DOCK8: variants seen among roughly 807,000 people sequenced by gnomAD.
DOCK8 encodes the protein dedicator of cytokinesis 8.
In DOCK8, 141 loss-of-function variants were observed where a neutral mutation model predicts 245.6. The ratio of observed to expected loss-of-function variants is 0.57; its 90% CI spans 0.50 to 0.66. The LOEUF is 0.66. DOCK8 is among the 30% of genes least tolerant of loss of function. The pLI, the probability that DOCK8 is intolerant of heterozygous loss-of-function variation, is 0.00. For missense variants in DOCK8, 2,965 were observed against 2,603.4 expected (o/e 1.14, Z -3.02); for synonymous variants, 1,168 against 970.2 (o/e 1.20, Z -3.79).
At chr9:396,960 C>A in intron 25 of DOCK8, 26 bp downstream of exon 25, 1 of 1,608,256 alleles carries the variant, frequency 6.2e-7, no homozygotes, top group Non-Finnish European at 8.5e-7. Flanking sequence ...TCTTTATTTT[C>A]TAAATTGTTT....
intron 13 of DOCK8, among the ~76,000 whole-genome samples, chr9:339,428 G>T (rs2051470528): frequency 6.6e-6 from 1 of 152,136 alleles, no homozygotes; most frequent in African/African-American, 2.4e-5. Flanking sequence ...AGATGCTTTG[G>T]TAGAAGGCAA....
chr9:392,725 A>G (rs1340540151), intron 24 of DOCK8, among the ~76,000 whole-genome samples: 3 of 152,118 alleles, frequency 2.0e-5, no homozygotes, highest in African/African-American at 7.2e-5. Context: ...GTCTTGGGGC[A>G]AGAGCATTAA....
intron 1 of DOCK8, among the ~76,000 whole-genome samples, chr9:233,249 G>C (rs2047161339): frequency 6.6e-6 from 1 of 151,892 alleles, no homozygotes; most frequent in African/African-American, 2.4e-5. Flanking sequence ...TGATTGCACT[G>C]TGGTCTGAGA....
At chr9:419,013 T>G (rs935355712) in intron 30 of DOCK8, among the ~76,000 whole-genome samples, 4 of 152,150 alleles carry the variant, frequency 2.6e-5, no homozygotes, top group Non-Finnish European at 4.4e-5. Context: ...ATGGACTCTG[T>G]GGGCTCAAAG....
rs569781963 is a variant in DOCK8, at chr9:435,669, GTAC to G, written c.5079+695_5079+697del. Among the ~76,000 whole-genome samples the G allele has an allele frequency of 1.4e-4, 22 of 152,344 alleles. 1 individual carries two copies. The South Asian group carries it at 4.1e-3, about 29-fold the overall frequency. ...AGAAGGGAGACAAAAGGCTGAATCA[GTAC>G]CTTCTTAGGATAAGCTGAAAATTAC... On this transcript the variant is annotated intron_variant, in intron 39 of 47. Transcript: ENST00000432829.
intron 13 of DOCK8, among the ~76,000 whole-genome samples, chr9:339,792 G>C (rs2051491792): frequency 6.6e-6 from 1 of 152,330 alleles, no homozygotes; most frequent in Admixed American, 6.5e-5. Flanking sequence ...GAGATGACAG[G>C]CGTGAGCCAC....
At chr9:243,500 C>T (rs16922023) in intron 1 of DOCK8, among the ~76,000 whole-genome samples, 4,518 of 152,178 alleles carry the variant, frequency 0.03, 205 homozygotes, top group African/African-American at 0.1. Flanking sequence ...TCAATTGTTT[C>T]TTGGCCTCTT....
At chr9:215,615 T>C (rs72701207) in intron 1 of DOCK8, 12 of 539,482 alleles carry the variant, frequency 2.2e-5, no homozygotes, top group Middle Eastern at 5.3e-4. Context: ...AGTGATTTTT[T>C]AAAAAATCTA....
At position 434,994 on chromosome 9, in the gene DOCK8, T is replaced by G; in HGVS notation, c.5079+19T>G. 1 of 1,611,172 alleles carries G rather than the reference T, an allele frequency of 6.2e-7. No homozygotes were observed. The highest frequency in any genetic ancestry group is 8.5e-7 in the Non-Finnish European group (1 of 1,179,818). On this transcript the variant is annotated intron_variant, in intron 39 of 47. Transcript: ENST00000432829. ...CTTCCAGGTAGGGTGTGTGCAGCTTTTCCCTTAGAGCAGTGGTTCTCAACT... is the reference window on the plus strand; with the variant it reads ...CTTCCAGGTAGGGTGTGTGCAGCTTGTCCCTTAGAGCAGTGGTTCTCAACT...
intron 1 of DOCK8, among the ~76,000 whole-genome samples, chr9:240,894 T>G (rs2047360387): frequency 6.6e-6 from 1 of 152,058 alleles, no homozygotes; most frequent in African/African-American, 2.4e-5. Flanking sequence ...AGGGCTGTTA[T>G]GAGAACTGAG....
In DOCK8 at chr9:432,263, G is replaced by A. The variant is rs141252560; in HGVS notation, c.4724G>A (p.Arg1575Lys). 1.9e-4 allele frequency: 314 copies of A among 1,613,894 alleles called. No homozygotes were observed. In the African/African-American group the frequency reaches 3.5e-3, roughly 18 times the overall value. Residue 1575 changes from arginine (R) to lysine (K), a missense_variant, in exon 37 of 48, where the codon AGG (arginine) becomes AAG (lysine). Coordinates refer to ENST00000432829, the MANE Select transcript of DOCK8 (RefSeq NM_203447.4). ...FNEEHLRRSL[R>K]TILAYSEEDT... ...GAAGAGCACCTGAGAAGATCCTTGA[G>A]GACAATTTTGGCCTATTCAGAAGAG...
chr9:220,688 G>A (rs563498478), intron 1 of DOCK8: 31 of 391,974 alleles, frequency 7.9e-5, no homozygotes, highest in Admixed American at 1.6e-4. Flanking sequence ...TGCTACTGCT[G>A]TTCCCACAAG....
chr9:256,159 A>C (rs1320152068), intron 1 of DOCK8, among the ~76,000 whole-genome samples: 3 of 152,220 alleles, frequency 2.0e-5, no homozygotes, highest in Non-Finnish European at 4.4e-5. Context: ...TCATAGGGGA[A>C]ATAGTGGATA....
chr9:357,278 T>C (rs998656915), intron 14 of DOCK8, among the ~76,000 whole-genome samples: 11 of 152,226 alleles, frequency 7.2e-5, no homozygotes, highest in Admixed American at 6.5e-5. Context: ...CTATATTTAA[T>C]CAATTCATGT....
In DOCK8 at chr9:443,167, T is replaced by C. The variant is rs149161013; in HGVS notation, c.5491-260T>C. 9.8e-5 allele frequency among the ~76,000 whole-genome samples: 15 copies of C among 152,294 alleles called. No homozygotes were observed. The East Asian group carries it at 2.9e-3, about 29-fold the overall frequency. On this transcript the variant is annotated intron_variant, in intron 42 of 47. Transcript: ENST00000432829. ...GTAAAGAGTGTGATACCCCAGGAGA[T>C]ACCTCAGCAAATATAATGATGTTAG...
intron 2 of DOCK8, among the ~76,000 whole-genome samples, chr9:279,246 T>G (rs1213529638): frequency 6.6e-6 from 1 of 152,190 alleles, no homozygotes; most frequent in East Asian, 1.9e-4. Flanking sequence ...AAAGTTGAGT[T>G]AGTTTTGAAC....
At chr9:234,956 G>T (rs959338498) in intron 1 of DOCK8, among the ~76,000 whole-genome samples, 2 of 152,182 alleles carry the variant, frequency 1.3e-5, no homozygotes, top group African/African-American at 4.8e-5. Flanking sequence ...GCGTTCCTTT[G>T]CAGGAGGAGA....
intron 14 of DOCK8, among the ~76,000 whole-genome samples, chr9:365,403 A>G (rs747122482): frequency 3.3e-5 from 5 of 152,152 alleles, no homozygotes; most frequent in African/African-American, 7.2e-5. Flanking sequence ...TAACTTCAGT[A>G]TGTTTTCAGT....
chr9:427,739 AATC>A (rs940080804), intron 34 of DOCK8, among the ~76,000 whole-genome samples: 16 of 152,258 alleles, frequency 1.1e-4, no homozygotes, highest in Non-Finnish European at 2.4e-4. Context: ...AAATCAAAGT[AATC>A]ATCATACAAA....
Sources: gnomAD v4.1 joint callset for allele counts (sites outside exome capture counted in the v4.1 genomes callset) on GRCh38, gnomAD v4.1.1 for gene constraint, MANE v1.5 for transcripts, NCBI Gene and HGNC (gene_info 2026-07-23, HGNC 2026-07-21) for gene names.